Variants in MSRA observed in about 807,000 individuals in gnomAD.
MSRA encodes methionine sulfoxide reductase A.
Under a neutral mutation model 31.3 loss-of-function variants are expected in MSRA, and 54 were observed. The ratio of observed to expected loss-of-function variants is 1.73; its 90% CI spans 1.39 to 2.17. MSRA has a LOEUF of 2.17. MSRA is among the 30% of genes most tolerant of loss of function. The pLI, the probability that MSRA is intolerant of heterozygous loss-of-function variation, is 0.00. For synonymous variants in MSRA, 169 were observed against 116.5 expected (o/e 1.45, Z -2.90); for missense variants, 507 against 300.9 (o/e 1.69, Z -5.07).
intron 1 of MSRA, among the ~76,000 whole-genome samples, chr8:10,199,792 C>G (rs1417535443): frequency 6.6e-6 from 1 of 152,178 alleles, no homozygotes; most frequent in Non-Finnish European, 1.5e-5. Context: ...TAAAAATCCT[C>G]TCTTAGGATT....
At chr8:10,205,902 T>C (rs1808923288) in intron 1 of MSRA, among the ~76,000 whole-genome samples, 1 of 152,236 alleles carries the variant, frequency 6.6e-6, no homozygotes, top group Admixed American at 6.5e-5. Flanking sequence ...TTAAAACATG[T>C]TGGGTAATAT....
intron 3 of MSRA, among the ~76,000 whole-genome samples, chr8:10,282,919 C>T (rs550212779): frequency 6.6e-6 from 1 of 152,168 alleles, no homozygotes; most frequent in East Asian, 1.9e-4. Flanking sequence ...AGCCTCCTTC[C>T]ACCTCCCTCC....
At chr8:10,058,682 A>G (rs1279347324) in intron 1 of MSRA, among the ~76,000 whole-genome samples, 2 of 152,232 alleles carry the variant, frequency 1.3e-5, no homozygotes. Flanking sequence ...TAATGAAGAA[A>G]CGTTGAGATT....
chr8:10,254,589 GAGC>G (rs1798082259), intron 3 of MSRA, among the ~76,000 whole-genome samples: 1 of 152,148 alleles, frequency 6.6e-6, no homozygotes, highest in Admixed American at 6.5e-5. Context: ...CCATGAGATA[GAGC>G]AGCATCAGTG....
chr8:10,257,222 C>A (rs1798230436), intron 3 of MSRA, among the ~76,000 whole-genome samples: 1 of 152,022 alleles, frequency 6.6e-6, no homozygotes, highest in Admixed American at 6.5e-5. Flanking sequence ...TTGAGAGGAT[C>A]CTTAGGCAGC....
intron 2 of MSRA, among the ~76,000 whole-genome samples, chr8:10,222,172 A>T (rs1411285901): frequency 6.6e-6 from 1 of 151,976 alleles, no homozygotes. Flanking sequence ...TTAGGAAGCT[A>T]TTGCCTCCTA....
intron 1 of MSRA, among the ~76,000 whole-genome samples, chr8:10,061,971 C>G (rs1005254290): frequency 6.6e-6 from 1 of 152,152 alleles, no homozygotes; most frequent in African/African-American, 2.4e-5. Context: ...TCTTCAGGCT[C>G]AGGAGTTATT....
intron 1 of MSRA, among the ~76,000 whole-genome samples, chr8:10,060,996 T>A (rs181944162): frequency 4.6e-4 from 70 of 152,342 alleles, no homozygotes; most frequent in African/African-American, 1.6e-3. Context: ...GTGATTAATT[T>A]CTAAATTGTA....
intron 1 of MSRA, among the ~76,000 whole-genome samples, chr8:10,184,754 C>T (rs1182411991): frequency 6.6e-6 from 1 of 152,112 alleles, no homozygotes; most frequent in Non-Finnish European, 1.5e-5. Flanking sequence ...GATCTAGATT[C>T]AGAAAAGTTA....
chr8:10,376,636 A>T (rs543044173), intron 5 of MSRA, among the ~76,000 whole-genome samples: 5 of 152,352 alleles, frequency 3.3e-5, no homozygotes, highest in African/African-American at 1.2e-4. Flanking sequence ...AGCCTCTATT[A>T]AGCATGTTAA....
chr8:10,334,957 G>C (rs1699229424), intron 5 of MSRA, among the ~76,000 whole-genome samples: 1 of 152,200 alleles, frequency 6.6e-6, no homozygotes, highest in Non-Finnish European at 1.5e-5. Flanking sequence ...CAGCCGGCGC[G>C]GCGAGCCCGC....
chr8:10,107,958 T>G (rs1585162565), intron 1 of MSRA, among the ~76,000 whole-genome samples: 2 of 152,294 alleles, frequency 1.3e-5, no homozygotes, highest in East Asian at 3.9e-4. Flanking sequence ...GTCAGGAAAT[T>G]CTTCCTCATA....
chr8:10,343,109 A>G (rs1031249678), intron 5 of MSRA, among the ~76,000 whole-genome samples: 4 of 151,862 alleles, frequency 2.6e-5, no homozygotes, highest in Admixed American at 2.6e-4. Context: ...AGAGGGATAC[A>G]TTTGTAATAT....
intron 5 of MSRA, among the ~76,000 whole-genome samples, chr8:10,323,766 G>GTGTGTGTGTGTGTC (rs1554526768): frequency 6.6e-6 from 1 of 151,546 alleles, no homozygotes; most frequent in Non-Finnish European, 1.5e-5. Context: ...GTGTGTGTGT[G>GTGTGTGTGTGTGTC]TGTGTGTGTC....
chr8:10,358,355 C>G (rs996313094), intron 5 of MSRA, among the ~76,000 whole-genome samples: 4 of 152,152 alleles, frequency 2.6e-5, no homozygotes, highest in African/African-American at 7.2e-5. Context: ...TTACTGAAAA[C>G]AGTTAAACAT....
intron 3 of MSRA, among the ~76,000 whole-genome samples, 154 bp from the exon 4 acceptor site, chr8:10,301,380 G>A (rs1455238344): frequency 6.6e-6 from 1 of 152,162 alleles, no homozygotes; most frequent in Non-Finnish European, 1.5e-5. Flanking sequence ...ACAGAGCCTT[G>A]AGAGAGACTC....
At chr8:10,223,845 C>T (rs994273313) in intron 2 of MSRA, among the ~76,000 whole-genome samples, 6 of 152,106 alleles carry the variant, frequency 3.9e-5, no homozygotes, top group African/African-American at 1.4e-4. Context: ...CGTGAAGACC[C>T]ATCTTACTCA....
intron 2 of MSRA, among the ~76,000 whole-genome samples, chr8:10,243,750 A>G (rs1797461031): frequency 6.6e-6 from 1 of 152,192 alleles, no homozygotes; most frequent in Non-Finnish European, 1.5e-5. Context: ...TTTTGGTGTG[A>G]AAATCTTTAG....
chr8:10,181,288 A>C (rs755436063), intron 1 of MSRA, among the ~76,000 whole-genome samples: 7 of 152,232 alleles, frequency 4.6e-5, no homozygotes, highest in Non-Finnish European at 8.8e-5. Flanking sequence ...GCATGAAGTC[A>C]GAAAGTGAAA....
Sources: gnomAD v4.1 joint callset for allele counts (sites outside exome capture counted in the v4.1 genomes callset) on GRCh38, gnomAD v4.1.1 for gene constraint, MANE v1.5 for transcripts, NCBI Gene and HGNC (gene_info 2026-07-23, HGNC 2026-07-21) for gene names.